Variants in EXOC6B observed in about 807,000 individuals in gnomAD.
EXOC6B encodes exocyst complex component 6B.
EXOC6B carries 54 observed loss-of-function variants against 113.5 expected under a neutral mutation model. The ratio of observed to expected loss-of-function variants is 0.48; its 90% CI spans 0.38 to 0.60. The LOEUF (loss-of-function observed/expected upper bound fraction) is 0.60. EXOC6B is among the 20% of genes least tolerant of loss of function. EXOC6B has a pLI of 0.00. For synonymous variants in EXOC6B, 357 were observed against 339.0 expected (o/e 1.05, Z -0.58); for missense variants, 797 against 977.5 (o/e 0.82, Z 2.46).
rs1257853700 is a variant in EXOC6B, at chr2:72,190,744, A to G, written c.2197-6557T>C. Among the ~76,000 whole-genome samples, 6 of 152,328 alleles carry G rather than the reference A, an allele frequency of 3.9e-5. No homozygotes were observed. The East Asian group carries it at 1.2e-3, about 29-fold the overall frequency. ...GCTTTGTTTTGTCATGTAATGGTGT[A>G]TCCTAGAACTCACTCCCCAGAAGCT... On this transcript the variant is annotated intron_variant, in intron 20 of 21. Coordinates refer to ENST00000272427, the MANE Select transcript of EXOC6B (RefSeq NM_015189.3).
chr2:72,341,884 T>A (rs923206719), intron 19 of EXOC6B, among the ~76,000 whole-genome samples: 1 of 152,234 alleles, frequency 6.6e-6, no homozygotes, highest in South Asian at 2.1e-4. Flanking sequence ...ATTGTAATCA[T>A]CTTAAGTACC....
At chr2:72,562,385 T>TA (rs1421588239) in intron 7 of EXOC6B, among the ~76,000 whole-genome samples, 11 of 152,144 alleles carry the variant, frequency 7.2e-5, no homozygotes, top group Admixed American at 7.2e-4. Context: ...GATCTCCATT[T>TA]AAAATACTAA....
intron 6 of EXOC6B, among the ~76,000 whole-genome samples, chr2:72,627,975 A>C (rs1256942620): frequency 6.6e-6 from 1 of 152,172 alleles, no homozygotes; most frequent in Non-Finnish European, 1.5e-5. Context: ...GGTAGGATTT[A>C]GAAGCCATTT....
intron 18 of EXOC6B, among the ~76,000 whole-genome samples, chr2:72,408,532 A>G (rs1269895341): frequency 6.6e-6 from 1 of 152,214 alleles, no homozygotes; most frequent in Non-Finnish European, 1.5e-5. Context: ...AGACCAATGG[A>G]ACAGAATAGA....
intron 8 of EXOC6B, among the ~76,000 whole-genome samples, chr2:72,544,504 T>G (rs1256794143): frequency 6.6e-6 from 1 of 152,162 alleles, no homozygotes; most frequent in Non-Finnish European, 1.5e-5. Flanking sequence ...GTCCTTGCCA[T>G]CTCTGTATCT....
At chr2:72,510,940 T>C (rs1244404654) in intron 11 of EXOC6B, among the ~76,000 whole-genome samples, 3 of 152,042 alleles carry the variant, frequency 2.0e-5, no homozygotes, top group Non-Finnish European at 4.4e-5. Flanking sequence ...ATAAAATAGT[T>C]AAGCAACTTT....
intron 6 of EXOC6B, among the ~76,000 whole-genome samples, chr2:72,714,579 G>A (rs1679484053): frequency 6.6e-6 from 1 of 151,958 alleles, no homozygotes; most frequent in Admixed American, 6.6e-5. Context: ...GAGTTAGAAA[G>A]GTGAACACAT....
chr2:72,217,514 A>G (rs896035955), intron 20 of EXOC6B, among the ~76,000 whole-genome samples: 5 of 152,206 alleles, frequency 3.3e-5, no homozygotes, highest in African/African-American at 1.2e-4. Flanking sequence ...TTTATGTGCC[A>G]AGTGCCTGCC....
intron 18 of EXOC6B, among the ~76,000 whole-genome samples, chr2:72,402,488 T>C (rs1409704101): frequency 1.3e-5 from 2 of 152,206 alleles, no homozygotes; most frequent in Non-Finnish European, 2.9e-5. Flanking sequence ...TTTCCTTTCA[T>C]TTTACCATAA....
intron 18 of EXOC6B, among the ~76,000 whole-genome samples, chr2:72,443,827 A>G (rs543366387): frequency 6.6e-6 from 1 of 152,290 alleles, no homozygotes; most frequent in South Asian, 2.1e-4. Context: ...CTCCCACGAC[A>G]TGTGGGAATT....
intron 20 of EXOC6B, among the ~76,000 whole-genome samples, chr2:72,236,963 C>T (rs918135711): frequency 2.0e-5 from 3 of 152,190 alleles, no homozygotes; most frequent in African/African-American, 4.8e-5. Flanking sequence ...TGATTTTCTA[C>T]TTGCTAGATA....
chr2:72,370,271 T>A (rs994042977), intron 19 of EXOC6B, among the ~76,000 whole-genome samples: 1 of 152,172 alleles, frequency 6.6e-6, no homozygotes, highest in Admixed American at 6.5e-5. Context: ...ATGCTCATCA[T>A]CACTAGCCAT....
At position 72,179,376 on chromosome 2, in the gene EXOC6B, C is replaced by T. The variant is rs1422694368; in HGVS notation, c.2395G>A (p.Ala799Thr). ...CTGATGAGTCCTCGGAGCTGCTTGG[C>T]CACGGTGTCAATGAGTTTCTGCTTG... ...RDKQKLIDTV[A>T]KQLRGLISSH... The change falls in exon 22 of 22, where the codon GCC (alanine) becomes ACC (threonine). Residue 799 changes from alanine (A) to threonine (T), a missense_variant. Coordinates refer to ENST00000272427, the MANE Select transcript of EXOC6B (RefSeq NM_015189.3). The T allele has an allele frequency of 6.2e-7, 1 of 1,613,402 alleles. No individual in the cohort carries two copies. The highest frequency in any genetic ancestry group is 1.1e-5 in the South Asian group (1 of 90,986).
intron 20 of EXOC6B, among the ~76,000 whole-genome samples, chr2:72,192,684 C>T (rs889495739): frequency 1.3e-5 from 2 of 152,166 alleles, no homozygotes; most frequent in African/African-American, 2.4e-5. Context: ...TGCTAAGACA[C>T]ACTGACAGTG....
chr2:72,671,776 AAAGAAAGAAAGAAAGAAAG>A (rs1558902760), intron 6 of EXOC6B, among the ~76,000 whole-genome samples: 3 of 120,506 alleles, frequency 2.5e-5, no homozygotes, highest in South Asian at 5.0e-4. Context: ...AGAAAGAAAG[AAAGAAAGAAAGAAAGAAAG>A]AAAGAAAGAA....
At chr2:72,193,947 A>G (rs1679005402) in intron 20 of EXOC6B, among the ~76,000 whole-genome samples, 1 of 152,332 alleles carries the variant, frequency 6.6e-6, no homozygotes, top group African/African-American at 2.4e-5. Context: ...TGATTTACAT[A>G]ATTATCTATG....
At chr2:72,584,566 A>G (rs899022674) in intron 6 of EXOC6B, among the ~76,000 whole-genome samples, 1 of 152,216 alleles carries the variant, frequency 6.6e-6, no homozygotes, top group Non-Finnish European at 1.5e-5. Flanking sequence ...AAAATAGTGA[A>G]GGACTTCAGT....
intron 6 of EXOC6B, among the ~76,000 whole-genome samples, chr2:72,624,640 G>A (rs1003528568): frequency 6.6e-6 from 1 of 152,062 alleles, no homozygotes; most frequent in African/African-American, 2.4e-5. Context: ...TAGCTACTCA[G>A]GAGACTGAGG....
At chr2:72,403,160 C>T (rs1693462332) in intron 18 of EXOC6B, among the ~76,000 whole-genome samples, 1 of 152,106 alleles carries the variant, frequency 6.6e-6, no homozygotes, top group Admixed American at 6.5e-5. Flanking sequence ...ATGCACATGG[C>T]TTTATAAATT....
Sources: gnomAD v4.1 joint callset for allele counts (sites outside exome capture counted in the v4.1 genomes callset) on GRCh38, gnomAD v4.1.1 for gene constraint, MANE v1.5 for transcripts, NCBI Gene and HGNC (gene_info 2026-07-23, HGNC 2026-07-21) for gene names.